Variants in SPATA6 observed in about 807,000 individuals in gnomAD.
SPATA6 encodes spermatogenesis-associated protein 6.
A neutral mutation model predicts 65.3 loss-of-function variants in SPATA6; 56 were observed. The observed-to-expected ratio is 0.86, with a 90% confidence interval of 0.69 to 1.07. The LOEUF (loss-of-function observed/expected upper bound fraction) is 1.07, where lower values mean the gene tolerates loss of function less well. Among genes scored for constraint, SPATA6 ranks in the 50% least tolerant of loss-of-function variants. The pLI is 0.00. For synonymous variants in SPATA6, 199 were observed against 213.2 expected, an observed-to-expected ratio of 0.93 and a Z score of 0.58; for missense variants, 590 against 594.8, an observed-to-expected ratio of 0.99 and a Z score of 0.08.
intron 3 of SPATA6, among the ~76,000 whole-genome samples, chr1:48,428,701 C>T (rs192475334): frequency 1.1e-4 from 17 of 150,332 alleles, no homozygotes; most frequent in Middle Eastern, 3.5e-3. Context: ...GTCTCAGGAG[C>T]GGCAGAGACA....
At chr1:48,417,883 T>C (rs71647703) in intron 3 of SPATA6, among the ~76,000 whole-genome samples, 3 of 152,090 alleles carry the variant, frequency 2.0e-5, no homozygotes, top group African/African-American at 7.2e-5. Flanking sequence ...GTTGTTGTTG[T>C]TTGGTTTTTT....
the SPATA6 span, among the ~76,000 whole-genome samples, chr1:48,286,985 G>A: frequency 8.7e-5 from 13 of 149,630 alleles, no homozygotes; most frequent in Non-Finnish European, 1.8e-4. Flanking sequence ...GTTGCAGTGA[G>A]CCGAGATCAC....
At chr1:48,402,239 G>A (rs1342406126) in intron 6 of SPATA6, among the ~76,000 whole-genome samples, 1 of 152,056 alleles carries the variant, frequency 6.6e-6, no homozygotes, top group African/African-American at 2.4e-5. Flanking sequence ...CTATGAATGG[G>A]TAATGGTTTT....
chr1:48,373,242 A>T (rs892853278), intron 9 of SPATA6, among the ~76,000 whole-genome samples: 1 of 152,208 alleles, frequency 6.6e-6, no homozygotes, highest in African/African-American at 2.4e-5. Flanking sequence ...TGCTGCTTAG[A>T]AGTTTATTCT....
chr1:48,347,729 A>G lies in SPATA6; in HGVS notation c.1194+7941T>C, dbSNP rs573834933. Among the ~76,000 whole-genome samples, 9 of 152,012 alleles carry G rather than the reference A, an allele frequency of 5.9e-5. 1 individual carries two copies. The highest frequency in any genetic ancestry group is 2.2e-4 in the African/African-American group (9 of 41,506). On this transcript the variant is annotated intron_variant, in intron 11 of 12. Transcript: ENST00000371847. The stretch of plus-strand genomic sequence containing the variant: ...AACTTTTCCAACTGCTCCTGTAGGT[A>G]ACATCACTATTGTGAAACCTAAAGA...
chr1:48,299,992 G>A (rs1431647921), intron 12 of SPATA6, among the ~76,000 whole-genome samples: 1 of 152,118 alleles, frequency 6.6e-6, no homozygotes, highest in African/African-American at 2.4e-5. Context: ...GTAGTTTTGA[G>A]GGTCTTAAGG....
In SPATA6 at chr1:48,295,677, G is replaced by A; in HGVS notation, c.*3036C>T. The A allele has an allele frequency of 6.6e-6, 1 of 152,130 alleles. No individual in the cohort carries two copies. The highest frequency in any genetic ancestry group is 1.9e-4 in the East Asian group (1 of 5,192). The allele number at this position is 152,130 out of a possible 1,614,324, so 9.4% of individuals were successfully genotyped here. On this transcript the variant is annotated 3_prime_UTR_variant, in exon 13 of 13. Transcript: ENST00000371847. ...AGTGGTTATTGTTGCACAACTCTGTGAATATAGTAAAAACCACTTAATTGT... is the reference window on the plus strand; with the variant it reads ...AGTGGTTATTGTTGCACAACTCTGTAAATATAGTAAAAACCACTTAATTGT...
intron 11 of SPATA6, among the ~76,000 whole-genome samples, chr1:48,322,389 C>A (rs900729748): frequency 6.6e-6 from 1 of 152,050 alleles, no homozygotes; most frequent in Non-Finnish European, 1.5e-5. Context: ...AAACTGGATC[C>A]CTTCCTTACA....
intron 11 of SPATA6, among the ~76,000 whole-genome samples, chr1:48,312,321 G>C (rs144071132): frequency 0.077 from 11,652 of 152,066 alleles, 608 homozygotes; most frequent in East Asian, 0.23. Context: ...CCCCCCAGTA[G>C]GGGCAGACTG....
chr1:48,398,848 T>C (rs1174734448), intron 7 of SPATA6, among the ~76,000 whole-genome samples: 2 of 151,904 alleles, frequency 1.3e-5, no homozygotes, highest in Admixed American at 6.6e-5. Context: ...ACTTTTTTCA[T>C]TTTCAAAGGC....
At chr1:48,448,554 C>A (rs981944785) in intron 3 of SPATA6, among the ~76,000 whole-genome samples, 2 of 151,920 alleles carry the variant, frequency 1.3e-5, no homozygotes, top group African/African-American at 4.8e-5. Flanking sequence ...TCTGAGCACA[C>A]CCATATTCCC....
rs59113039 is a variant in SPATA6, at chr1:48,442,595, AAG to A, written c.238+8955_238+8956del. On this transcript the variant is annotated intron_variant, in intron 3 of 12. Coordinates refer to ENST00000371847, the MANE Select transcript of SPATA6 (RefSeq NM_019073.4). ...ACAGAGACAAAGAGGGAGTCAGAGA[AAG>A]AGAGAGAGAGAGAAAGAGAGAGACA... is the stretch of plus-strand genomic sequence containing the variant. Among the ~76,000 whole-genome samples, 22 of 150,548 alleles carry A rather than the reference AAG, an allele frequency of 1.5e-4. 1 individual carries two copies. The East Asian group carries it at 1.6e-3, about 11-fold the overall frequency.
At chr1:48,360,858 G>T (rs1646792400) in intron 9 of SPATA6, among the ~76,000 whole-genome samples, 1 of 152,120 alleles carries the variant, frequency 6.6e-6, no homozygotes, top group South Asian at 2.1e-4. Flanking sequence ...ATATTTAGAA[G>T]ACACAGCCAA....
chr1:48,450,029 A>G (rs1164578154), intron 3 of SPATA6, among the ~76,000 whole-genome samples: 1 of 149,432 alleles, frequency 6.7e-6, no homozygotes, highest in East Asian at 1.9e-4. Flanking sequence ...AAACTCGCTC[A>G]TTTTTTTTTT....
Position 48,371,300 on chromosome 1 carries a change from T to TAGAC in SPATA6, c.910-11531_910-11530insGTCT, listed in dbSNP as rs1316497818. 3.9e-5 allele frequency among the ~76,000 whole-genome samples: 6 copies of TAGAC among 152,068 alleles called. No individual in the cohort carries two copies. The East Asian group carries it at 1.2e-3, about 29-fold the overall frequency. On this transcript the variant is annotated intron_variant, in intron 9 of 12. Coordinates refer to ENST00000371847, the MANE Select transcript of SPATA6 (RefSeq NM_019073.4). ...ATAGATAGATAGATAGATAGATAGA[T>TAGAC]AGATAGATAGATAGATATTCAAACA...
intron 9 of SPATA6, among the ~76,000 whole-genome samples, chr1:48,366,838 C>T (rs531959378): frequency 6.6e-6 from 1 of 152,224 alleles, no homozygotes; most frequent in South Asian, 2.1e-4. Context: ...CTTCTGCTAG[C>T]TTTTGAATGT....
chr1:48,304,617 T>G (rs1645016356), intron 12 of SPATA6, among the ~76,000 whole-genome samples: 1 of 152,210 alleles, frequency 6.6e-6, no homozygotes, highest in Non-Finnish European at 1.5e-5. Flanking sequence ...GCACTGGGAT[T>G]ACAGGCGTGA....
intron 11 of SPATA6, among the ~76,000 whole-genome samples, chr1:48,338,602 T>C (rs1646124334): frequency 6.6e-6 from 1 of 152,026 alleles, no homozygotes; most frequent in Non-Finnish European, 1.5e-5. Context: ...TGGCAACAGA[T>C]GCAAAGGCTA....
the SPATA6 span, among the ~76,000 whole-genome samples, chr1:48,267,877 G>A: frequency 4.9e-5 from 7 of 143,062 alleles, no homozygotes; most frequent in East Asian, 4.4e-4. Context: ...TCAGCCTCCC[G>A]AGTAGCTGGG....
Sources: allele counts gnomAD v4.1 joint callset (sites outside exome capture counted in the v4.1 genomes callset), GRCh38; gene constraint gnomAD v4.1.1; transcripts MANE v1.5; gene names NCBI Gene and HGNC (gene_info 2026-07-23, HGNC 2026-07-21).